Variants in FAM13A observed in about 807,000 individuals in gnomAD.
FAM13A encodes the protein family with sequence similarity 13 member A.
Under a neutral mutation model 129.6 loss-of-function variants are expected in FAM13A, and 76 were observed. The ratio of observed to expected loss-of-function variants is 0.59; its 90% CI spans 0.49 to 0.71. The LOEUF is 0.71. Ranked by LOEUF, FAM13A falls within the 30% of genes least tolerant of loss-of-function variation. The pLI is 0.00. For missense variants in FAM13A, 1,108 were observed against 1,249.3 expected, an observed-to-expected ratio of 0.89 and a Z score of 1.70; for synonymous variants, 443 against 449.9, an observed-to-expected ratio of 0.98 and a Z score of 0.20.
intron 8 of FAM13A, among the ~76,000 whole-genome samples, chr4:88,802,954 G>A (rs531353917): frequency 6.6e-6 from 1 of 152,274 alleles, no homozygotes; most frequent in South Asian, 2.1e-4. Context: ...TGCACTCTCT[G>A]AAGACTGTCC....
At chr4:88,758,495 AG>A (rs113315230) in intron 14 of FAM13A, among the ~76,000 whole-genome samples, 168 of 151,884 alleles carry the variant, frequency 1.1e-3, no homozygotes, top group African/African-American at 3.7e-3. Context: ...TGAGTCACAA[AG>A]GAAAAAAAAA....
chr4:88,919,574 T>C (rs1490008163), intron 5 of FAM13A, among the ~76,000 whole-genome samples: 1 of 152,234 alleles, frequency 6.6e-6, no homozygotes, highest in African/African-American at 2.4e-5. Context: ...GCAGCCAAGA[T>C]GGCCGAATAG....
rs760422480 is a variant in FAM13A at position 88,728,326 on chromosome 4, A to T, written c.*207T>A. The T allele has an allele frequency of 2.9e-5, 18 of 611,940 alleles. No homozygotes were observed. The highest frequency in any genetic ancestry group is 5.1e-5 in the Non-Finnish European group (18 of 350,924). 37.9% of individuals were successfully genotyped at this position (611,940 alleles called of 1,614,324 possible). A position where few individuals can be genotyped will look rare whatever the true frequency, so the allele number is the denominator to read the frequency against. Reference sequence around the variant, plus strand: ...ACTGCAGTCTTGACTTTCCAATTACAAAATGCCTAAGTCAGGTCACATTGT... The same window carrying T: ...ACTGCAGTCTTGACTTTCCAATTACTAAATGCCTAAGTCAGGTCACATTGT... On this transcript the variant is annotated 3_prime_UTR_variant, in exon 24 of 24. Transcript: ENST00000264344.
chr4:88,749,952 A>C (rs1560886788), intron 15 of FAM13A, 43 bp from the exon 16 acceptor site: 1 of 1,606,620 alleles, frequency 6.2e-7, no homozygotes, highest in East Asian at 2.2e-5. Flanking sequence ...AGGAGCAGTC[A>C]CTGCTTGCCT....
chr4:89,014,226 T>C (rs1766147239), intron 3 of FAM13A, among the ~76,000 whole-genome samples: 1 of 152,198 alleles, frequency 6.6e-6, no homozygotes, highest in African/African-American at 2.4e-5. Flanking sequence ...AAGCCTACCG[T>C]ATTTGCCATT....
At chr4:89,000,675 T>C (rs914660165) in intron 3 of FAM13A, among the ~76,000 whole-genome samples, 4 of 152,154 alleles carry the variant, frequency 2.6e-5, no homozygotes, top group Admixed American at 6.5e-5. Context: ...CAATTTATGG[T>C]GGGTAATTTA....
intron 7 of FAM13A, among the ~76,000 whole-genome samples, chr4:88,830,795 G>C (rs1394508827): frequency 1.3e-5 from 2 of 152,114 alleles, no homozygotes; most frequent in Non-Finnish European, 2.9e-5. Context: ...GGGTTTAAAG[G>C]CCTCCACAGC....
intron 21 of FAM13A, among the ~76,000 whole-genome samples, chr4:88,737,167 G>C (rs1292585227): frequency 6.6e-6 from 1 of 151,926 alleles, no homozygotes; most frequent in East Asian, 1.9e-4. Context: ...AAGCATTGTG[G>C]ACAACAAAAC....
intron 6 of FAM13A, among the ~76,000 whole-genome samples, chr4:88,901,590 TGAG>T (rs1259074527): frequency 3.3e-5 from 5 of 152,022 alleles, no homozygotes; most frequent in Admixed American, 6.6e-5. Context: ...TTTGAAACTA[TGAG>T]AAGAAAGAAA....
Position 88,982,941 on chromosome 4 carries a change from T to C in FAM13A, c.605+8032A>G, listed in dbSNP as rs911702206. Among the ~76,000 whole-genome samples, 7 of 152,130 alleles carry C rather than the reference T, an allele frequency of 4.6e-5. No individual in the cohort carries two copies. The East Asian group carries it at 1.4e-3, about 29-fold the overall frequency. ...AAGTCCTTCTTCTGAGACTACACAA[T>C]GTCCCTGGCACAGCTCACCTCCAGT... On this transcript the variant is annotated intron_variant, in intron 4 of 23. Coordinates refer to ENST00000264344, the MANE Select transcript of FAM13A (RefSeq NM_014883.4).
chr4:88,988,863 A>G (rs553384063), intron 4 of FAM13A, among the ~76,000 whole-genome samples: 12 of 152,340 alleles, frequency 7.9e-5, no homozygotes, highest in Non-Finnish European at 1.5e-4. Flanking sequence ...AAGATGTAGC[A>G]ACAGACAGTA....
chr4:88,830,149 G>T (rs989172390), intron 7 of FAM13A, among the ~76,000 whole-genome samples: 1 of 152,136 alleles, frequency 6.6e-6, no homozygotes, highest in Non-Finnish European at 1.5e-5. Context: ...AGTGGGGGAA[G>T]GATGTGGTGC....
chr4:89,016,072 A>C (rs945503549), intron 3 of FAM13A, among the ~76,000 whole-genome samples: 2 of 152,104 alleles, frequency 1.3e-5, no homozygotes, highest in Non-Finnish European at 2.9e-5. Flanking sequence ...GCAGTTCCAC[A>C]AGTGTTACTG....
chr4:88,907,111 G>T (rs1039088622), intron 5 of FAM13A, among the ~76,000 whole-genome samples: 3 of 152,190 alleles, frequency 2.0e-5, no homozygotes, highest in East Asian at 1.9e-4. Flanking sequence ...ACGATGAACA[G>T]AAATGACAGT....
intron 5 of FAM13A, chr4:88,936,430 G>C (rs1753853643): frequency 6.6e-6 from 1 of 152,186 alleles, no homozygotes; most frequent in Non-Finnish European, 1.5e-5. Context: ...GCAAGAGTGA[G>C]GGGGGGAAGT....
At chr4:88,884,906 A>C (rs2869952) in intron 6 of FAM13A, among the ~76,000 whole-genome samples, 40,596 of 152,068 alleles carry the variant, frequency 0.27, 5,768 homozygotes, top group South Asian at 0.46. Context: ...AATAGCTGTA[A>C]AAAAATAAAA....
intron 19 of FAM13A, among the ~76,000 whole-genome samples, 165 bp downstream of exon 19, chr4:88,746,767 C>A (rs1023546055): frequency 6.6e-6 from 1 of 152,098 alleles, no homozygotes; most frequent in Non-Finnish European, 1.5e-5. Flanking sequence ...ATTGGTTAAG[C>A]CTTCAGAAAG....
chr4:88,942,217 C>T (rs933004182), intron 4 of FAM13A, among the ~76,000 whole-genome samples: 2 of 151,934 alleles, frequency 1.3e-5, no homozygotes, highest in African/African-American at 4.8e-5. Context: ...CACTTGAATC[C>T]CAAGCCTCTT....
chr4:88,875,718 T>G (rs1742301408), intron 6 of FAM13A, among the ~76,000 whole-genome samples: 1 of 152,254 alleles, frequency 6.6e-6, no homozygotes, highest in South Asian at 2.1e-4. Flanking sequence ...TCAGCCATTG[T>G]GGAAGACAGT....
Sources: gnomAD v4.1 joint callset for allele counts (sites outside exome capture counted in the v4.1 genomes callset) on GRCh38, gnomAD v4.1.1 for gene constraint, MANE v1.5 for transcripts, NCBI Gene and HGNC (gene_info 2026-07-23, HGNC 2026-07-21) for gene names.